The following NELL2 variants were observed in gnomAD, a reference collection of about 807,000 sequenced individuals.
NELL2 encodes the protein protein kinase C-binding protein NELL2.
A neutral mutation model predicts 109.6 loss-of-function variants in NELL2; 41 were observed. That is an observed-to-expected ratio of 0.37 (90% CI 0.29 to 0.49). The LOEUF (loss-of-function observed/expected upper bound fraction) is 0.49, where lower values mean the gene tolerates loss of function less well. Ranked by LOEUF, NELL2 falls within the 20% of genes least tolerant of loss-of-function variation. The probability of loss-of-function intolerance (pLI) is 0.98; values close to 1 mark genes in which losing one functional copy is unlikely to be tolerated. For missense variants in NELL2, 900 were observed against 1,008.3 expected, an observed-to-expected ratio of 0.89 and a Z score of 1.45; for synonymous variants, 355 against 344.7, an observed-to-expected ratio of 1.03 and a Z score of -0.33.
chr12:44,808,915 T>C (rs1225509041), intron 3 of NELL2, among the ~76,000 whole-genome samples: 1 of 152,042 alleles, frequency 6.6e-6, no homozygotes, highest in African/African-American at 2.4e-5. Context: ...CAGAAGATGA[T>C]GACAAACTAC....
chr12:44,831,563 T>A (rs985878221), intron 2 of NELL2, among the ~76,000 whole-genome samples: 4 of 152,212 alleles, frequency 2.6e-5, no homozygotes, highest in Admixed American at 2.0e-4. Flanking sequence ...TCTACTTTTA[T>A]CAGGGCACAC....
In NELL2 at chr12:44,642,964, G is replaced by C. The variant is rs1175091243; in HGVS notation, c.1444+22520C>G. Among the ~76,000 whole-genome samples the C allele has an allele frequency of 3.3e-5, 5 of 152,096 alleles. No individual in the cohort carries two copies. In the South Asian group the frequency reaches 8.3e-4, roughly 25 times the overall value. On this transcript the variant is annotated intron_variant, in intron 13 of 19. Coordinates refer to ENST00000429094, the MANE Select transcript of NELL2 (RefSeq NM_001145108.2). The stretch of plus-strand genomic sequence containing the variant: ...CACAATAAAGAGACATTAAAAGCAC[G>C]AAGATACATACCCTTCCACACATAC...
intron 15 of NELL2, among the ~76,000 whole-genome samples, chr12:44,582,241 C>A (rs2136212369): frequency 6.6e-6 from 1 of 152,088 alleles, no homozygotes; most frequent in East Asian, 1.9e-4. Flanking sequence ...CTCTGCTTGC[C>A]CTTTTGAGAT....
intron 9 of NELL2, among the ~76,000 whole-genome samples, chr12:44,733,203 G>T (rs1247273461): frequency 6.6e-6 from 1 of 151,878 alleles, no homozygotes; most frequent in Non-Finnish European, 1.5e-5. Context: ...TCCCACTTGT[G>T]TGTATTTTTC....
At chr12:44,917,106 T>C (rs1423458687), upstream of NELL2, among the ~76,000 whole-genome samples, 1 of 152,102 alleles carries the variant, frequency 6.6e-6, no homozygotes, top group Non-Finnish European at 1.5e-5. Flanking sequence ...AATGTGCTTT[T>C]AAAACTCCCC....
At chr12:44,848,756 G>A (rs1279870933) in intron 2 of NELL2, among the ~76,000 whole-genome samples, 2 of 152,212 alleles carry the variant, frequency 1.3e-5, no homozygotes, top group East Asian at 1.9e-4. Flanking sequence ...TCTAAAAAGA[G>A]CTCATGCTTT....
chr12:44,854,631 TA>T (rs1234273361), intron 2 of NELL2, among the ~76,000 whole-genome samples: 1 of 151,650 alleles, frequency 6.6e-6, no homozygotes, highest in African/African-American at 2.4e-5. Context: ...ACTTAAGTAT[TA>T]TTAGAGACAT....
intron 15 of NELL2, among the ~76,000 whole-genome samples, chr12:44,602,353 T>G (rs1008402008): frequency 2.0e-5 from 3 of 152,092 alleles, no homozygotes; most frequent in East Asian, 1.9e-4. Flanking sequence ...GATCTTCCCT[T>G]GTAAAATTAA....
intron 9 of NELL2, among the ~76,000 whole-genome samples, chr12:44,759,393 T>C (rs1941028837): frequency 6.6e-6 from 1 of 152,166 alleles, no homozygotes; most frequent in South Asian, 2.1e-4. Context: ...TTTGCAAGTT[T>C]TGACTTTTTA....
chr12:44,621,665 A>C (rs2079109478), intron 13 of NELL2, among the ~76,000 whole-genome samples: 1 of 152,012 alleles, frequency 6.6e-6, no homozygotes, highest in South Asian at 2.1e-4. Flanking sequence ...TACATCCTTC[A>C]CGTGGATTTA....
At chr12:44,810,891 G>C (rs1306902939) in intron 3 of NELL2, among the ~76,000 whole-genome samples, 1 of 152,054 alleles carries the variant, frequency 6.6e-6, no homozygotes, top group Non-Finnish European at 1.5e-5. Context: ...TTATGTATTT[G>C]TTACAACTGT....
At chr12:44,818,536 A>G (rs1310280849) in intron 2 of NELL2, among the ~76,000 whole-genome samples, 1 of 152,152 alleles carries the variant, frequency 6.6e-6, no homozygotes, top group Non-Finnish European at 1.5e-5. Flanking sequence ...GCAAGAGAAA[A>G]GGAATTTGGA....
intron 15 of NELL2, among the ~76,000 whole-genome samples, chr12:44,566,365 C>A (rs950067500): frequency 3.9e-5 from 6 of 151,934 alleles, no homozygotes; most frequent in Non-Finnish European, 7.3e-5. Flanking sequence ...TTAGCATTCA[C>A]CTATACCTCT....
intron 9 of NELL2, among the ~76,000 whole-genome samples, chr12:44,741,354 T>C (rs2408048): frequency 0.71 from 107,428 of 152,056 alleles, 38,200 homozygotes; most frequent in Non-Finnish European, 0.74. Context: ...GGAACAGCTC[T>C]GGTCTACAGC....
At chr12:44,740,426 G>A (rs147093863) in intron 9 of NELL2, among the ~76,000 whole-genome samples, 42 of 152,212 alleles carry the variant, frequency 2.8e-4, no homozygotes, top group Non-Finnish European at 5.0e-4. Context: ...TGTCCTATCT[G>A]TGAACTACTT....
chr12:44,725,839 T>C (rs1438788017), intron 9 of NELL2, among the ~76,000 whole-genome samples: 5 of 152,014 alleles, frequency 3.3e-5, no homozygotes, highest in African/African-American at 9.7e-5. Context: ...GCAGACACTG[T>C]GGTCTATTTG....
At position 44,844,121 on chromosome 12, in the gene NELL2, G is replaced by A. The variant is rs574596057; in HGVS notation, c.185-27985C>T. Among the ~76,000 whole-genome samples the A allele has an allele frequency of 1.9e-4, 29 of 152,298 alleles. No homozygotes were observed. The South Asian group carries it at 6.0e-3, about 32-fold the overall frequency. ...CAAAAGGTGAAAGGGCAAAAGAGTA[G>A]AATGCTGCATGAAGCCTATTTTATA... On this transcript the variant is annotated intron_variant, in intron 2 of 19. Transcript: ENST00000429094.
chr12:44,548,458 T>C (rs932533772), intron 15 of NELL2, among the ~76,000 whole-genome samples: 1 of 151,096 alleles, frequency 6.6e-6, no homozygotes, highest in Non-Finnish European at 1.5e-5. Context: ...GTCAGGAGAA[T>C]CGCTTGAACC....
chr12:44,863,648 G>C (rs1218891513), intron 2 of NELL2, among the ~76,000 whole-genome samples: 3 of 152,080 alleles, frequency 2.0e-5, no homozygotes, highest in Non-Finnish European at 4.4e-5. Context: ...TGTCTTACAA[G>C]AAATGCTAAA....
Sources: gnomAD v4.1 joint callset for allele counts (sites outside exome capture counted in the v4.1 genomes callset) on GRCh38, gnomAD v4.1.1 for gene constraint, MANE v1.5 for transcripts, NCBI Gene and HGNC (gene_info 2026-07-23, HGNC 2026-07-21) for gene names.